Variants in DAPK1 observed in about 807,000 individuals in gnomAD.
DAPK1 encodes death associated protein kinase 1.
Under a neutral mutation model 144.9 loss-of-function variants are expected in DAPK1, and 56 were observed. The observed-to-expected ratio is 0.39, with a 90% CI of 0.31 to 0.48. The LOEUF (loss-of-function observed/expected upper bound fraction) is 0.48. DAPK1 is among the 20% of genes least tolerant of loss of function. The pLI is 0.95. For missense variants in DAPK1, 1,454 were observed against 1,875.4 expected, an observed-to-expected ratio of 0.78 and a Z score of 4.15; for synonymous variants, 690 against 749.0, an observed-to-expected ratio of 0.92 and a Z score of 1.29.
chr9:87,675,637 C>G (rs527673299), intron 19 of DAPK1, among the ~76,000 whole-genome samples: 1 of 152,024 alleles, frequency 6.6e-6, no homozygotes, highest in South Asian at 2.1e-4. Context: ...CCCGGCTGCT[C>G]AGACTGGAGC....
At chr9:87,607,364 C>A (rs1828768097) in intron 3 of DAPK1, among the ~76,000 whole-genome samples, 1 of 152,156 alleles carries the variant, frequency 6.6e-6, no homozygotes, top group African/African-American at 2.4e-5. Flanking sequence ...AACTATTCTG[C>A]CTTTTCAGAT....
intron 3 of DAPK1, among the ~76,000 whole-genome samples, chr9:87,606,782 C>T (rs1369628952): frequency 7.4e-6 from 1 of 134,442 alleles, no homozygotes; most frequent in Non-Finnish European, 1.6e-5. Context: ...CCCTCCCTCC[C>T]TCCTTTTTCT....
intron 2 of DAPK1, among the ~76,000 whole-genome samples, chr9:87,540,032 C>A (rs756163884): frequency 1.2e-4 from 18 of 151,606 alleles, no homozygotes; most frequent in Non-Finnish European, 2.4e-4. Context: ...AAGTTCTCGA[C>A]TTAAGGAAAG....
chr9:87,636,015 C>T (rs78177938), intron 3 of DAPK1, among the ~76,000 whole-genome samples: 1,745 of 152,240 alleles, frequency 0.011, 30 homozygotes, highest in African/African-American at 0.039. Flanking sequence ...TTTCTCTCCC[C>T]GTTGTTTGTT....
At chr9:87,615,612 G>A (rs968410644) in intron 3 of DAPK1, among the ~76,000 whole-genome samples, 2 of 152,232 alleles carry the variant, frequency 1.3e-5, no homozygotes, top group Non-Finnish European at 2.9e-5. Flanking sequence ...TTAGGCATGG[G>A]TCTTCCCAAA....
rs7029548 is a variant in DAPK1, at chr9:87,524,418, T to G, written c.62+25279T>G. Among the ~76,000 whole-genome samples, 1,033 of 152,290 alleles carry G rather than the reference T, an allele frequency of 6.8e-3. 14 individuals carry two copies. The highest frequency in any genetic ancestry group is 0.024 in the African/African-American group (982 of 41,566). On this transcript the variant is annotated intron_variant, in intron 2 of 25. Transcript: ENST00000408954. ...GCAGCGGACATAGAGATCAGTTCTG[T>G]GTGTTCCCTAAGCTGACGTGGAAAG...
At chr9:87,657,999 CG>C in intron 17 of DAPK1, 29 bp from the exon 18 acceptor site, 1 of 855,682 alleles carries the variant, frequency 1.2e-6, no homozygotes, top group African/African-American at 1.6e-5. Context: ...GTGAGAAGAA[CG>C]ACCTTTGGCC....
rs1350473919 is a variant in DAPK1, at chr9:87,686,670, C to T, written c.2344C>T (p.His782Tyr). Residue 782 changes from histidine to tyrosine, a missense_variant, in exon 21 of 26, where the codon CAC becomes TAC. His to Tyr is a moderately conservative substitution (Grantham distance 83, BLOSUM62 2). Coordinates refer to ENST00000408954, the MANE Select transcript of DAPK1 (RefSeq NM_004938.4). This position sits in a 1 kb window ranked among gnomAD's most constrained non-coding sequence, Gnocchi z 4.2. ...GCTGGAGGTGTTTGTGGCCCCGACCCACCACCCGCACTGCTCGGCCGATGA... is the reference window on the plus strand; with the variant it reads ...GCTGGAGGTGTTTGTGGCCCCGACCTACCACCCGCACTGCTCGGCCGATGA... ...GMLEVFVAPTHHPHCSADDQS... is the reference protein window; with the variant it reads ...GMLEVFVAPTYHPHCSADDQS... 1 of 1,612,916 alleles carries T rather than the reference C, an allele frequency of 6.2e-7. No homozygotes were observed. The highest frequency in any genetic ancestry group is 1.7e-5 in the Admixed American group (1 of 59,984).
intron 11 of DAPK1, among the ~76,000 whole-genome samples, chr9:87,645,669 A>G (rs1830241086): frequency 6.6e-6 from 1 of 152,214 alleles, no homozygotes; most frequent in Non-Finnish European, 1.5e-5. Context: ...GCTATACTGC[A>G]GGTGATATTA....
chr9:87,695,830 C>T (rs1825239452), intron 21 of DAPK1, among the ~76,000 whole-genome samples: 1 of 152,200 alleles, frequency 6.6e-6, no homozygotes, highest in South Asian at 2.1e-4. Context: ...CTGGCACGTT[C>T]CAAAATTCAT....
At chr9:87,572,352 G>A (rs574389591) in intron 2 of DAPK1, among the ~76,000 whole-genome samples, 3 of 152,258 alleles carry the variant, frequency 2.0e-5, no homozygotes, top group Non-Finnish European at 2.9e-5. Context: ...AAGTCGTGCC[G>A]TTATAGATGG....
chr9:87,633,286 G>T, intron 3 of DAPK1: 1 of 984,600 alleles, frequency 1.0e-6, no homozygotes, highest in Non-Finnish European at 1.2e-6. Context: ...GAAGGGGGAT[G>T]GGTATGTAGG....
chr9:87,621,929 C>T (rs1829307510), intron 3 of DAPK1, among the ~76,000 whole-genome samples: 1 of 152,014 alleles, frequency 6.6e-6, no homozygotes, highest in Non-Finnish European at 1.5e-5. Context: ...AGAGCCTCGG[C>T]AACATCAGAG....
At chr9:87,539,940 C>G (rs1374040377) in intron 2 of DAPK1, among the ~76,000 whole-genome samples, 2 of 151,952 alleles carry the variant, frequency 1.3e-5, no homozygotes, top group African/African-American at 4.8e-5. Context: ...CTTAATGACC[C>G]CAAAGCCCGA....
intron 4 of DAPK1, among the ~76,000 whole-genome samples, 197 bp downstream of exon 4, chr9:87,638,278 G>C (rs1399919451): frequency 2.0e-5 from 3 of 152,188 alleles, no homozygotes; most frequent in South Asian, 2.1e-4. Context: ...TTGTGGGATA[G>C]AGGCTTAATG....
At chr9:87,553,790 C>G (rs1826591360) in intron 2 of DAPK1, 1 of 152,236 alleles carries the variant, frequency 6.6e-6, no homozygotes, top group East Asian at 1.9e-4. Flanking sequence ...GCCACCATGC[C>G]CGGCCTCAAT....
At chr9:87,572,303 T>C (rs1322650557) in intron 2 of DAPK1, among the ~76,000 whole-genome samples, 5 of 152,214 alleles carry the variant, frequency 3.3e-5, no homozygotes, top group Non-Finnish European at 7.3e-5. Flanking sequence ...TAGACCGGGT[T>C]CTATGACAAT....
At chr9:87,646,750 A>T (rs1830280306) in intron 13 of DAPK1, among the ~76,000 whole-genome samples, 191 bp downstream of exon 13, 1 of 152,230 alleles carries the variant, frequency 6.6e-6, no homozygotes, top group African/African-American at 2.4e-5. Flanking sequence ...TTTATCATTT[A>T]TCCTCCCCTT....
chr9:87,611,970 T>C (rs1230088687), intron 3 of DAPK1, among the ~76,000 whole-genome samples: 1 of 152,174 alleles, frequency 6.6e-6, no homozygotes, highest in Non-Finnish European at 1.5e-5. Flanking sequence ...AGAAAATAAG[T>C]TTATGTCTTA....
Sources: gnomAD v4.1 joint callset for allele counts (sites outside exome capture counted in the v4.1 genomes callset) on GRCh38, gnomAD v4.1.1 for gene constraint, Gnocchi (gnomAD v3.1) non-coding constraint, MANE v1.5 for transcripts, NCBI Gene and HGNC (gene_info 2026-07-23, HGNC 2026-07-21) for gene names.